Variants in GSS observed in about 807,000 individuals in gnomAD.
The protein encoded by GSS is glutathione synthetase.
In GSS, 34 loss-of-function variants were observed where a neutral mutation model predicts 60.4. The ratio of observed to expected loss-of-function variants is 0.56; its 90% CI spans 0.43 to 0.75. The LOEUF (loss-of-function observed/expected upper bound fraction) is 0.75. GSS is among the 30% of genes least tolerant of loss of function. The pLI is 0.00. For missense variants in GSS, 499 were observed against 595.1 expected, an observed-to-expected ratio of 0.84 and a Z score of 1.68; for synonymous variants, 224 against 239.0, an observed-to-expected ratio of 0.94 and a Z score of 0.58.
chr20:34,942,886 T>A lies in GSS; in HGVS notation c.351+45A>T, dbSNP rs372359103. Reference sequence around the variant, plus strand: ...AAGCAAAACAGAAAACAAACAGAGATGGGAGGGACAGGTTACAGACTGGAG... The same window carrying A: ...AAGCAAAACAGAAAACAAACAGAGAAGGGAGGGACAGGTTACAGACTGGAG... On this transcript the variant is annotated intron_variant, in intron 4 of 12. Coordinates refer to ENST00000651619, the MANE Select transcript of GSS (RefSeq NM_000178.4). 3.8e-6 allele frequency: 5 copies of A among 1,327,808 alleles called. No homozygotes were observed. In the African/African-American group the frequency reaches 7.2e-5, roughly 19 times the overall value. 82.3% of individuals were successfully genotyped at this position (1,327,808 alleles called of 1,614,324 possible). A position where few individuals can be genotyped will look rare whatever the true frequency, so the allele number is the denominator to read the frequency against.
chr20:34,929,640 T>G, intron 11 of GSS, 50 bp from the exon 12 acceptor site: 1 of 1,515,412 alleles, frequency 6.6e-7, no homozygotes, highest in Non-Finnish European at 9.1e-7. Flanking sequence ...ACCTCCTCCA[T>G]CCCATGCCCT....
intron 2 of GSS, among the ~76,000 whole-genome samples, chr20:34,951,135 G>A (rs1274189425): frequency 6.6e-6 from 1 of 152,012 alleles, no homozygotes; most frequent in Non-Finnish European, 1.5e-5. Context: ...GCTAAACTGT[G>A]ATACACCCAC....
rs1183364486 is a variant in GSS at position 34,942,546 on chromosome 20, T to C, written c.433A>G (p.Ile145Val). 6.2e-7 allele frequency: 1 copy of C among 1,614,014 alleles called. No individual in the cohort carries two copies. ...CCAAAGCTGGCAGAGATGGTGTTGATTTCGATCTGTTTCAGGGCTGGGGAG... is the reference window on the plus strand; with the variant it reads ...CCAAAGCTGGCAGAGATGGTGTTGACTTCGATCTGTTTCAGGGCTGGGGAG... Reference protein sequence around the residue: ...DGSPALKQIEINTISASFGGL... With the variant: ...DGSPALKQIEVNTISASFGGL... The change falls in exon 5 of 13, where the codon ATC becomes GTC. Residue 145 changes from isoleucine (I) to valine (V), a missense_variant. Transcript: ENST00000651619.
chr20:34,938,782 G>A (rs548193232), intron 6 of GSS, among the ~76,000 whole-genome samples: 1 of 152,330 alleles, frequency 6.6e-6, no homozygotes, highest in South Asian at 2.1e-4. Context: ...TCAGCAGTCT[G>A]TTTCCTAGTA....
At chr20:34,934,192 GTC>G (rs1417922284) in intron 9 of GSS, 5 of 150,022 alleles carry the variant, frequency 3.3e-5, no homozygotes, top group Non-Finnish European at 5.9e-5. Context: ...AAAAAAAAAA[GTC>G]TACCTCTTTA....
At chr20:34,952,714 G>GT (rs2081579170) in intron 1 of GSS, 2 of 152,252 alleles carry the variant, frequency 1.3e-5, no homozygotes, top group Admixed American at 1.3e-4. Context: ...GATTACAGGC[G>GT]TGAGCCATCA....
intron 1 of GSS, among the ~76,000 whole-genome samples, chr20:34,953,010 A>G (rs1426542508): frequency 6.6e-6 from 1 of 152,250 alleles, no homozygotes; most frequent in Non-Finnish European, 1.5e-5. Context: ...GAGAAATCAC[A>G]TTAGCAAGAT....
chr20:34,939,641 G>C (rs1349208983), intron 6 of GSS, among the ~76,000 whole-genome samples: 1 of 151,406 alleles, frequency 6.6e-6, no homozygotes, highest in Non-Finnish European at 1.5e-5. Flanking sequence ...TCAAATGATA[G>C]CTATTATTAT....
In GSS at chr20:34,932,059, C is replaced by T. The variant is rs2081406269; in HGVS notation, c.909G>A (p.Gly303=). 4 of 1,614,180 alleles carry T rather than the reference C, an allele frequency of 2.5e-6. No individual in the cohort carries two copies. Among genetic ancestry groups the T allele is most frequent in the African/African-American group, 2.7e-5 (2 of 75,074 alleles). ...KCPDIATQLA[G]TKKVQQELSR... ...TTAGCTCCTGCTGCACCTTCTTAGT[C>T]CCAGCCAGCTGGGTGGCAATGTCTG... Residue 303 remains glycine, a synonymous_variant, in exon 10 of 13, where the codon GGG becomes GGA. Transcript: ENST00000651619.
At chr20:34,953,257 G>A (rs544468498) in intron 1 of GSS, among the ~76,000 whole-genome samples, 37 of 152,218 alleles carry the variant, frequency 2.4e-4, no homozygotes, top group African/African-American at 8.9e-4. Flanking sequence ...GGGAGTTAGA[G>A]AATAATAGGA....
At chr20:34,929,631 C>T in intron 11 of GSS, 41 bp from the exon 12 acceptor site, 1 of 1,546,492 alleles carries the variant, frequency 6.5e-7, no homozygotes, top group Middle Eastern at 1.8e-4. Flanking sequence ...CCTCTGCCTA[C>T]CTCCTCCATC....
chr20:34,935,116 T>C (rs1488654972), intron 9 of GSS, among the ~76,000 whole-genome samples: 1 of 152,132 alleles, frequency 6.6e-6, no homozygotes, highest in Non-Finnish European at 1.5e-5. Context: ...GAGGGTTAAA[T>C]GAAATAATGG....
intron 9 of GSS, 49 bp downstream of exon 9, chr20:34,935,527 C>T: frequency 8.0e-7 from 1 of 1,253,108 alleles, no homozygotes; most frequent in Non-Finnish European, 1.2e-6. Flanking sequence ...CTCTGTGGAG[C>T]TCTTGTGGGT....
rs1816254725 is a variant in GSS, at chr20:34,941,845, T to C, written c.492-16A>G. 7.0e-7 allele frequency: 1 copy of C among 1,426,498 alleles called. No individual in the cohort carries two copies. Among genetic ancestry groups the C allele is most frequent in the African/African-American group, 1.4e-5 (1 of 71,608 alleles). The allele number at this position is 1,426,498 out of a possible 1,614,324, so 88.4% of individuals were successfully genotyped here. On this transcript the variant is annotated splice_polypyrimidine_tract_variant and intron_variant, in intron 5 of 12. Transcript: ENST00000651619. ...GAGAACATGTCTGTTGGAAGAGAGATGGCTGTTCAGTAATTGGATGGACCT... is the reference window on the plus strand; with the variant it reads ...GAGAACATGTCTGTTGGAAGAGAGACGGCTGTTCAGTAATTGGATGGACCT...
chr20:34,953,768 A>C (rs967067251), intron 1 of GSS, among the ~76,000 whole-genome samples: 1 of 151,790 alleles, frequency 6.6e-6, no homozygotes, highest in African/African-American at 2.4e-5. Context: ...GGCACCTGCC[A>C]CCATGCCCGG....
Position 34,928,544 on chromosome 20 carries a change from GA to G in GSS, c.*283del. 2 of 517,350 alleles carry G rather than the reference GA, an allele frequency of 3.9e-6. No homozygotes were observed. The highest frequency in any genetic ancestry group is 2.1e-5 in the South Asian group (1 of 48,316). 32.0% of individuals were successfully genotyped at this position (517,350 alleles called of 1,614,324 possible). The stretch of plus-strand genomic sequence containing the variant: ...CCCAAGTCAGGCACTGGAACCTGCT[GA>G]AAAGGCTGATGAGGGGCTGACAGGA... On this transcript the variant is annotated 3_prime_UTR_variant, in exon 13 of 13. Coordinates refer to ENST00000651619, the MANE Select transcript of GSS (RefSeq NM_000178.4).
intron 2 of GSS, 93 bp downstream of exon 2, chr20:34,951,631 A>T: frequency 7.2e-7 from 1 of 1,380,888 alleles, no homozygotes; most frequent in Non-Finnish European, 1.0e-6. Flanking sequence ...GGCAAAAGAG[A>T]TATGGTCCCT....
At chr20:34,937,097 T>C (rs2147125812) in intron 6 of GSS, 74 bp from the exon 7 acceptor site, 2 of 972,524 alleles carry the variant, frequency 2.1e-6, no homozygotes, top group Admixed American at 3.7e-5. Context: ...TCAACCCCCA[T>C]ACCGCCCCAC....
At chr20:34,936,642 G>T in intron 8 of GSS, 121 bp downstream of exon 8, 3 of 856,274 alleles carry the variant, frequency 3.5e-6, no homozygotes, top group Non-Finnish European at 4.1e-6. Flanking sequence ...AGATATTTCA[G>T]GAATTATGAG....
Sources: gnomAD v4.1 joint callset for allele counts (sites outside exome capture counted in the v4.1 genomes callset) on GRCh38, gnomAD v4.1.1 for gene constraint, MANE v1.5 for transcripts, NCBI Gene and HGNC (gene_info 2026-07-23, HGNC 2026-07-21) for gene names.